QKI: variants seen among roughly 807,000 people sequenced by gnomAD.
QKI encodes QKI, KH domain containing RNA binding.
Under a neutral mutation model 39.0 loss-of-function variants are expected in QKI, and 10 were observed. The ratio of observed to expected loss-of-function variants is 0.26; its 90% CI spans 0.16 to 0.43. The LOEUF (loss-of-function observed/expected upper bound fraction) is 0.43. QKI is among the 20% of genes least tolerant of loss of function. The pLI is 1.00. For synonymous variants in QKI, 204 were observed against 155.4 expected (o/e 1.31, Z -2.33); for missense variants, 218 against 428.0 (o/e 0.51, Z 4.33).
intron 3 of QKI, among the ~76,000 whole-genome samples, chr6:163,489,446 GT>G (rs1562481973): frequency 2.0e-5 from 3 of 148,504 alleles, no homozygotes. Flanking sequence ...GTGTGTGTGT[GT>G]GTGTGTGTGT....
intron 1 of QKI, among the ~76,000 whole-genome samples, chr6:163,438,106 T>C (rs1789453991): frequency 6.6e-6 from 1 of 152,096 alleles, no homozygotes; most frequent in Non-Finnish European, 1.5e-5. Context: ...CTATGTATAG[T>C]AGATCTACAT....
chr6:163,537,710 G>A (rs899731871), intron 4 of QKI, among the ~76,000 whole-genome samples: 3 of 152,186 alleles, frequency 2.0e-5, no homozygotes, highest in African/African-American at 7.2e-5. Flanking sequence ...AAAACACCAA[G>A]TTCAGTCAGG....
chr6:163,509,574 C>G (rs1241649349), intron 3 of QKI, among the ~76,000 whole-genome samples: 1 of 151,838 alleles, frequency 6.6e-6, no homozygotes, highest in African/African-American at 2.4e-5. Flanking sequence ...TTATGTGAAA[C>G]AGTATAATAT....
At chr6:163,561,450 T>A (rs1298315902) in intron 4 of QKI, among the ~76,000 whole-genome samples, 1 of 151,442 alleles carries the variant, frequency 6.6e-6, no homozygotes, top group Admixed American at 6.6e-5. Context: ...CTACAAAAAA[T>A]AAAAAAAATT....
chr6:163,443,932 C>T (rs1165186996), intron 1 of QKI, among the ~76,000 whole-genome samples: 1 of 152,158 alleles, frequency 6.6e-6, no homozygotes, highest in Admixed American at 6.5e-5. Context: ...TTACCAAATT[C>T]CTTTTAAAGC....
chr6:163,562,209 A>G (rs906304428), intron 5 of QKI, 140 bp downstream of exon 5: 5 of 453,870 alleles, frequency 1.1e-5, no homozygotes, highest in Non-Finnish European at 1.9e-5. Flanking sequence ...TATGGGGCTG[A>G]CAGTCCTATT....
chr6:163,488,755 A>G (rs936464580), intron 3 of QKI, among the ~76,000 whole-genome samples: 1 of 152,150 alleles, frequency 6.6e-6, no homozygotes, highest in Non-Finnish European at 1.5e-5. Flanking sequence ...ATCCATGGTT[A>G]GGTTCATTTG....
chr6:163,560,358 A>G (rs1782918109), intron 4 of QKI, among the ~76,000 whole-genome samples: 1 of 152,176 alleles, frequency 6.6e-6, no homozygotes. Flanking sequence ...CAGTGGCATT[A>G]TTTGAGGACC....
chr6:163,508,532 C>T (rs200265384), intron 3 of QKI, among the ~76,000 whole-genome samples: 5 of 4,478 alleles, frequency 1.1e-3, no homozygotes, highest in Admixed American at 5.6e-3. Flanking sequence ...TTCTTTCTTT[C>T]TTTTTTTTTT....
At chr6:163,453,832 T>C (rs1195625478) in intron 1 of QKI, among the ~76,000 whole-genome samples, 1 of 152,190 alleles carries the variant, frequency 6.6e-6, no homozygotes, top group African/African-American at 2.4e-5. Flanking sequence ...TGAATATTGG[T>C]ATCACTGAAG....
chr6:163,471,277 A>C (rs1167007992), intron 2 of QKI, among the ~76,000 whole-genome samples: 1 of 152,156 alleles, frequency 6.6e-6, no homozygotes, highest in African/African-American at 2.4e-5. Context: ...ATTTTCAGAT[A>C]AGGAAAAATG....
At chr6:163,532,486 T>C (rs1280074180) in intron 3 of QKI, among the ~76,000 whole-genome samples, 1 of 152,228 alleles carries the variant, frequency 6.6e-6, no homozygotes, top group Non-Finnish European at 1.5e-5. Context: ...ATCTTTGAGC[T>C]TTGTCCTGGG....
intron 2 of QKI, among the ~76,000 whole-genome samples, chr6:163,464,944 A>G (rs937048004): frequency 7.2e-5 from 11 of 152,216 alleles, no homozygotes; most frequent in African/African-American, 2.7e-4. Context: ...ACAAAATACT[A>G]GCAAACTGAA....
intron 4 of QKI, among the ~76,000 whole-genome samples, chr6:163,539,346 C>T (rs1348576472): frequency 6.6e-6 from 1 of 152,122 alleles, no homozygotes; most frequent in African/African-American, 2.4e-5. Context: ...TTAAAAGTGT[C>T]ACTGGCATGG....
intron 4 of QKI, among the ~76,000 whole-genome samples, chr6:163,559,798 C>T (rs1311704546): frequency 6.6e-6 from 1 of 152,148 alleles, no homozygotes; most frequent in Non-Finnish European, 1.5e-5. Context: ...TGTGTCATTA[C>T]AGCTATAATA....
At chr6:163,418,212 A>G (rs1399808033) in intron 1 of QKI, among the ~76,000 whole-genome samples, 1 of 151,898 alleles carries the variant, frequency 6.6e-6, no homozygotes, top group Admixed American at 6.6e-5. Flanking sequence ...CTTAGAGTAG[A>G]TGTATTTTCT....
At chr6:163,421,441 C>T (rs571104723) in intron 1 of QKI, among the ~76,000 whole-genome samples, 4 of 152,258 alleles carry the variant, frequency 2.6e-5, no homozygotes, top group Admixed American at 6.5e-5. Flanking sequence ...CTCCCCACCC[C>T]GTTAGTTACC....
chr6:163,432,109 A>G (rs567493785), intron 1 of QKI, among the ~76,000 whole-genome samples: 6 of 152,252 alleles, frequency 3.9e-5, no homozygotes, highest in African/African-American at 1.4e-4. Context: ...TAATGTGGCT[A>G]CCTTCTGTTG....
At position 163,463,488 on chromosome 6, in the gene QKI, T is replaced by TGATA. The variant is rs542245779; in HGVS notation, c.285+8068_285+8071dup. 8.5e-5 allele frequency among the ~76,000 whole-genome samples: 13 copies of TGATA among 152,336 alleles called. No individual in the cohort carries two copies. The South Asian group carries it at 2.7e-3, about 32-fold the overall frequency. On this transcript the variant is annotated intron_variant, in intron 2 of 7. Coordinates refer to ENST00000361752, the MANE Select transcript of QKI (RefSeq NM_006775.3). ...TTGAATAACGTAGTCCTTGCACTCG[T>TGATA]GATACTTCGATTTGACACCAGCAGC...
Sources: allele counts gnomAD v4.1 joint callset (sites outside exome capture counted in the v4.1 genomes callset), GRCh38; gene constraint gnomAD v4.1.1; transcripts MANE v1.5; gene names NCBI Gene and HGNC (gene_info 2026-07-23, HGNC 2026-07-21).